The following PTPRB variants were observed in gnomAD, a reference collection of about 807,000 sequenced individuals.
PTPRB encodes receptor-type tyrosine-protein phosphatase beta.
PTPRB carries 97 observed loss-of-function variants against 238.1 expected under a neutral mutation model. The observed-to-expected ratio is 0.41, with a 90% CI of 0.35 to 0.48. PTPRB has a LOEUF of 0.48. Among genes scored for constraint, PTPRB ranks in the 20% least tolerant of loss-of-function variants. The probability of loss-of-function intolerance (pLI) is 0.30; values close to 1 mark genes in which losing one functional copy is unlikely to be tolerated. For synonymous variants in PTPRB, 970 were observed against 995.4 expected, an observed-to-expected ratio of 0.97 and a Z score of 0.48; for missense variants, 2,292 against 2,681.9, an observed-to-expected ratio of 0.85 and a Z score of 3.21.
In PTPRB at chr12:70,556,168, C is replaced by A. The variant is rs747333152; in HGVS notation, c.4715-20G>T. The A allele has an allele frequency of 2.5e-6, 4 of 1,594,476 alleles. No homozygotes were observed. The highest frequency in any genetic ancestry group is 3.5e-5 in the Admixed American group (2 of 56,494). ...CAGGCTCTAAAGGAAACAGAGGAGG[C>A]AACACTTTTCAGAACTCAGGGAGAA... On this transcript the variant is annotated intron_variant, in intron 18 of 33. Coordinates refer to ENST00000334414, the MANE Select transcript of PTPRB (RefSeq NM_001109754.4).
intron 23 of PTPRB, chr12:70,540,293 T>C: frequency 3.0e-6 from 1 of 330,420 alleles, no homozygotes; most frequent in South Asian, 1.1e-4. Context: ...TCAATAAAAC[T>C]TTGCTTTAAA....
At chr12:70,558,589 T>C (rs1214751453) in intron 18 of PTPRB, among the ~76,000 whole-genome samples, 1 of 152,202 alleles carries the variant, frequency 6.6e-6, no homozygotes, top group Non-Finnish European at 1.5e-5. Context: ...AACTGGTATA[T>C]GCTTCGTCGT....
intron 27 of PTPRB, 153 bp downstream of exon 27, chr12:70,538,771 G>C (rs1292799838): frequency 4.6e-6 from 3 of 646,832 alleles, no homozygotes; most frequent in East Asian, 5.5e-5. Context: ...GGAAGTGCAG[G>C]AATATACAAG....
chr12:70,635,322 T>C (rs1885632953), intron 2 of PTPRB, among the ~76,000 whole-genome samples: 1 of 152,202 alleles, frequency 6.6e-6, no homozygotes, highest in Non-Finnish European at 1.5e-5. Flanking sequence ...TCATTACATA[T>C]ATAGGCTGTG....
At chr12:70,613,169 A>T (rs927937146) in intron 3 of PTPRB, among the ~76,000 whole-genome samples, 2 of 151,902 alleles carry the variant, frequency 1.3e-5, no homozygotes, top group Non-Finnish European at 2.9e-5. Context: ...TGGATGGATG[A>T]GGGGAGGGCA....
intron 3 of PTPRB, among the ~76,000 whole-genome samples, chr12:70,610,634 A>G (rs1182795247): frequency 6.6e-6 from 1 of 152,036 alleles, no homozygotes; most frequent in African/African-American, 2.4e-5. Flanking sequence ...AGACCCCAAA[A>G]GGATTGTCAG....
chr12:70,619,678 CTGCTAGTCA>C (rs1411640391), intron 3 of PTPRB, among the ~76,000 whole-genome samples: 8 of 152,176 alleles, frequency 5.3e-5, no homozygotes, highest in Non-Finnish European at 8.8e-5. Context: ...CCAGCACTGA[CTGCTAGTCA>C]TGCAAGTGAA....
intron 1 of PTPRB, 61 bp downstream of exon 1, chr12:70,637,280 C>A: frequency 6.8e-7 from 1 of 1,467,188 alleles, no homozygotes. Flanking sequence ...CTTCAAAGAC[C>A]AGGGACTCCT....
intron 32 of PTPRB, among the ~76,000 whole-genome samples, chr12:70,524,936 T>C (rs1380620358): frequency 1.3e-5 from 2 of 148,560 alleles, no homozygotes; most frequent in Admixed American, 1.3e-4. Flanking sequence ...TGTGTATATG[T>C]ATGTATATAT....
intron 2 of PTPRB, among the ~76,000 whole-genome samples, chr12:70,624,507 C>G (rs1272087204): frequency 6.6e-6 from 1 of 152,138 alleles, no homozygotes; most frequent in African/African-American, 2.4e-5. Flanking sequence ...CTCAATTATA[C>G]TATTAGCGAG....
chr12:70,528,226 T>TAAAC (rs1400912246), intron 32 of PTPRB, among the ~76,000 whole-genome samples: 1 of 152,166 alleles, frequency 6.6e-6, no homozygotes, highest in African/African-American at 2.4e-5. Context: ...TGGCAGACCC[T>TAAAC]AAACACTGGT....
In PTPRB at chr12:70,520,407, C is replaced by G; in HGVS notation, c.*1082G>C. 1 of 230,494 alleles carries G rather than the reference C, an allele frequency of 4.3e-6. No individual in the cohort carries two copies. The highest frequency in any genetic ancestry group is 8.8e-6 in the Non-Finnish European group (1 of 113,590). The allele number at this position is 230,494 out of a possible 1,614,324, so 14.3% of individuals were successfully genotyped here. ...AAGTTTTGAAAATTTTACTGAAGAC[C>G]ACTGTTTTTGTTTTTGCTATTGTTT... is the stretch of plus-strand genomic sequence containing the variant. On this transcript the variant is annotated 3_prime_UTR_variant, in exon 34 of 34. Coordinates refer to ENST00000334414, the MANE Select transcript of PTPRB (RefSeq NM_001109754.4).
intron 21 of PTPRB, among the ~76,000 whole-genome samples, chr12:70,548,362 A>T (rs1175555720): frequency 0.012 from 1,761 of 150,304 alleles, 38 homozygotes; most frequent in African/African-American, 0.041. Flanking sequence ...ACACACACAC[A>T]CACACACACA....
rs1871500004 is a variant in PTPRB, at chr12:70,520,021, A to G, written c.*1468T>C. ...ACTTTATGGTAGGTTACAAAAATAT[A>G]TACTTTGAAAAGAAATATACTCTTT... is the stretch of plus-strand genomic sequence containing the variant. On this transcript the variant is annotated 3_prime_UTR_variant, in exon 34 of 34. Coordinates refer to ENST00000334414, the MANE Select transcript of PTPRB (RefSeq NM_001109754.4). The G allele has an allele frequency of 7.2e-6, 2 of 276,208 alleles. No homozygotes were observed. Among genetic ancestry groups the G allele is most frequent in the Non-Finnish European group, 1.4e-5 (2 of 138,474 alleles). The allele number at this position is 276,208 out of a possible 1,614,324, so 17.1% of individuals were successfully genotyped here.
chr12:70,592,506 C>A lies in PTPRB; in HGVS notation c.1556G>T (p.Gly519Val). 1.2e-6 allele frequency: 2 copies of A among 1,613,794 alleles called. No homozygotes were observed. Among genetic ancestry groups the A allele is most frequent in the African/African-American group, 1.3e-5 (1 of 75,018 alleles). Reference sequence around the variant, plus strand: ...TTTGACTTTTAGAGAGGTCAAACTGCCATCATTTGTCACCTTCAGATTTGA... The same window carrying A: ...TTTGACTTTTAGAGAGGTCAAACTGACATCATTTGTCACCTTCAGATTTGA... Reference protein sequence around the residue: ...EVSNLKVTNDGSLTSLKVKWQ... With the variant: ...EVSNLKVTNDVSLTSLKVKWQ... The change falls in exon 7 of 34, where the codon GGC (glycine) becomes GTC (valine). Residue 519 changes from glycine to valine, a missense_variant. Transcript: ENST00000334414.
chr12:70,567,585 T>C (rs1282133152), intron 14 of PTPRB, among the ~76,000 whole-genome samples: 1 of 152,232 alleles, frequency 6.6e-6, no homozygotes, highest in African/African-American at 2.4e-5. Flanking sequence ...GTACTGCTAC[T>C]ACCTCAGGAC....
intron 4 of PTPRB, among the ~76,000 whole-genome samples, chr12:70,598,987 G>C: frequency 6.6e-6 from 1 of 152,142 alleles, no homozygotes; most frequent in East Asian, 1.9e-4. Flanking sequence ...CCTGGGCTGC[G>C]AGAACCTGCA....
chr12:70,632,171 A>T (rs751424850), intron 2 of PTPRB, among the ~76,000 whole-genome samples: 6 of 152,198 alleles, frequency 3.9e-5, no homozygotes, highest in Non-Finnish European at 8.8e-5. Context: ...AAGACTTGGA[A>T]CCAACCCAAA....
At chr12:70,545,537 C>T (rs1875826803) in intron 21 of PTPRB, among the ~76,000 whole-genome samples, 1 of 152,036 alleles carries the variant, frequency 6.6e-6, no homozygotes, top group South Asian at 2.1e-4. Context: ...AGGCAAATAG[C>T]AAAATAAGAA....
Sources: allele counts gnomAD v4.1 joint callset (sites outside exome capture counted in the v4.1 genomes callset), GRCh38; gene constraint gnomAD v4.1.1; transcripts MANE v1.5; gene names NCBI Gene and HGNC (gene_info 2026-07-23, HGNC 2026-07-21).